PALLD: variants seen among roughly 807,000 people sequenced by gnomAD.
The protein encoded by PALLD is palladin.
In PALLD, 61 loss-of-function variants were observed where a neutral mutation model predicts 123.5. The ratio of observed to expected loss-of-function variants is 0.49; its 90% CI spans 0.40 to 0.61. The LOEUF (loss-of-function observed/expected upper bound fraction) is 0.61. PALLD is among the 20% of genes least tolerant of loss of function. The pLI, the probability that PALLD is intolerant of heterozygous loss-of-function variation, is 0.00. For synonymous variants in PALLD, 465 were observed against 496.4 expected (o/e 0.94, Z 0.84); for missense variants, 1,273 against 1,377.0 (o/e 0.92, Z 1.20).
intron 10 of PALLD, among the ~76,000 whole-genome samples, chr4:168,837,181 AG>A (rs1745325013): frequency 6.6e-6 from 1 of 152,180 alleles, no homozygotes; most frequent in Non-Finnish European, 1.5e-5. Flanking sequence ...GAAAGAGAAG[AG>A]GGGGAAGAGA....
At chr4:168,863,509 G>C (rs1479942873) in intron 10 of PALLD, among the ~76,000 whole-genome samples, 1 of 152,174 alleles carries the variant, frequency 6.6e-6, no homozygotes, top group Non-Finnish European at 1.5e-5. Context: ...GAGGGCCCCT[G>C]TCCTGGAAAT....
chr4:168,868,704 G>A (rs1264027132), intron 10 of PALLD, among the ~76,000 whole-genome samples: 11 of 152,112 alleles, frequency 7.2e-5, no homozygotes, highest in Non-Finnish European at 1.3e-4. Flanking sequence ...CACTCTGTCC[G>A]GTCTTTTATG....
intron 10 of PALLD, among the ~76,000 whole-genome samples, chr4:168,735,170 G>T (rs944007575): frequency 6.6e-6 from 1 of 151,952 alleles, no homozygotes; most frequent in Non-Finnish European, 1.5e-5. Context: ...CAATCAGCAC[G>T]GCCACTGAGT....
At chr4:168,887,129 A>G (rs958045296) in intron 10 of PALLD, among the ~76,000 whole-genome samples, 2 of 119,360 alleles carry the variant, frequency 1.7e-5, no homozygotes, top group African/African-American at 6.3e-5. Context: ...AAAAAAAAAA[A>G]AAAGAAAAAG....
intron 10 of PALLD, among the ~76,000 whole-genome samples, chr4:168,805,268 T>C (rs1192155398): frequency 6.6e-6 from 1 of 152,176 alleles, no homozygotes; most frequent in Non-Finnish European, 1.5e-5. Context: ...TCAACAAGCA[T>C]TTCCTAAGTC....
chr4:168,749,463 T>C (rs1005265238), intron 10 of PALLD, among the ~76,000 whole-genome samples: 1 of 151,432 alleles, frequency 6.6e-6, no homozygotes, highest in African/African-American at 2.4e-5. Flanking sequence ...TCTCAACACT[T>C]TGGGAGGCCG....
chr4:168,704,500 T>C (rs1230019838), intron 8 of PALLD, among the ~76,000 whole-genome samples: 1 of 151,800 alleles, frequency 6.6e-6, no homozygotes, highest in African/African-American at 2.4e-5. Flanking sequence ...TGAAACCCCG[T>C]CTCTACTAAA....
At chr4:168,858,591 T>G (rs1263344096) in intron 10 of PALLD, among the ~76,000 whole-genome samples, 1 of 152,066 alleles carries the variant, frequency 6.6e-6, no homozygotes, top group African/African-American at 2.4e-5. Context: ...GAGACCAGCT[T>G]GGGCAACACA....
intron 2 of PALLD, among the ~76,000 whole-genome samples, chr4:168,628,357 C>A (rs1447382605): frequency 6.6e-6 from 1 of 152,222 alleles, no homozygotes; most frequent in East Asian, 1.9e-4. Context: ...CAATGGCTGT[C>A]TGTTGCTCTG....
At chr4:168,662,190 C>T (rs1422511925) in intron 2 of PALLD, among the ~76,000 whole-genome samples, 2 of 152,092 alleles carry the variant, frequency 1.3e-5, no homozygotes, top group Non-Finnish European at 2.9e-5. Flanking sequence ...AGATAAAAGG[C>T]TTCCAGGTAT....
In PALLD at chr4:168,881,592, A is replaced by C. The variant is rs533234530; in HGVS notation, c.1965-9330A>C. ...AAATGCCTTTCTTCCTTTATGCTAC[A>C]TCTTCCCCAAATTTACTGGGGTCAC... On this transcript the variant is annotated intron_variant, in intron 10 of 21. Coordinates refer to ENST00000505667, the MANE Select transcript of PALLD (RefSeq NM_001166108.2). Among the ~76,000 whole-genome samples, 3 of 151,826 alleles carry C rather than the reference A, an allele frequency of 2.0e-5. No homozygotes were observed. In the East Asian group the frequency reaches 5.9e-4, roughly 30 times the overall value.
At chr4:168,860,063 T>C (rs1749220468) in intron 10 of PALLD, among the ~76,000 whole-genome samples, 2 of 152,224 alleles carry the variant, frequency 1.3e-5, no homozygotes, top group Admixed American at 6.5e-5. Context: ...ATGGCTACCA[T>C]AGTGGGACAG....
At chr4:168,651,214 A>T (rs1778006834) in intron 2 of PALLD, among the ~76,000 whole-genome samples, 1 of 152,210 alleles carries the variant, frequency 6.6e-6, no homozygotes, top group Non-Finnish European at 1.5e-5. Context: ...CAGTGTTAGA[A>T]GGCTGTTCCA....
chr4:168,736,337 T>C (rs559864712), intron 10 of PALLD, among the ~76,000 whole-genome samples: 5 of 152,336 alleles, frequency 3.3e-5, no homozygotes, highest in Non-Finnish European at 5.9e-5. Context: ...CCTGGGTCAG[T>C]AGCTCAGAAA....
At chr4:168,722,624 G>A (rs890279613) in intron 10 of PALLD, among the ~76,000 whole-genome samples, 6 of 152,176 alleles carry the variant, frequency 3.9e-5, no homozygotes, top group Non-Finnish European at 8.8e-5. Context: ...TACCAAAAAA[G>A]GAATGTGTAT....
chr4:168,801,415 A>G (rs1038535120), intron 10 of PALLD, among the ~76,000 whole-genome samples: 1 of 152,088 alleles, frequency 6.6e-6, no homozygotes, highest in Non-Finnish European at 1.5e-5. Flanking sequence ...AGTAGCTGGG[A>G]TTATAGGCGC....
chr4:168,558,829 A>G (rs1767583554), intron 2 of PALLD, among the ~76,000 whole-genome samples: 1 of 152,182 alleles, frequency 6.6e-6, no homozygotes, highest in Non-Finnish European at 1.5e-5. Context: ...CAACATTACA[A>G]AGGAAATACC....
chr4:168,535,599 G>A (rs780305660), intron 2 of PALLD, among the ~76,000 whole-genome samples: 2 of 152,196 alleles, frequency 1.3e-5, no homozygotes, highest in Non-Finnish European at 2.9e-5. Flanking sequence ...GATTGGAAAT[G>A]TGCAGAGTTA....
intron 10 of PALLD, among the ~76,000 whole-genome samples, chr4:168,774,727 C>CAAAAAAAAAAAAAAA (rs56364164): frequency 6.8e-5 from 5 of 73,202 alleles, no homozygotes; most frequent in Non-Finnish European, 1.0e-4. Flanking sequence ...GACTGCATCT[C>CAAAAAAAAAAAAAAA]AAAAAAAAAA....
Sources: allele counts gnomAD v4.1 joint callset (sites outside exome capture counted in the v4.1 genomes callset), GRCh38; gene constraint gnomAD v4.1.1; transcripts MANE v1.5; gene names NCBI Gene and HGNC (gene_info 2026-07-23, HGNC 2026-07-21).